SLC30A1: variants seen among roughly 807,000 people sequenced by gnomAD.
The protein encoded by SLC30A1 is solute carrier family 30 member 1, also known as proton-coupled zinc antiporter SLC30A1.
Under a neutral mutation model 29.8 loss-of-function variants are expected in SLC30A1, and 7 were observed. That is an observed-to-expected ratio of 0.23 (90% confidence interval 0.13 to 0.44). The LOEUF (loss-of-function observed/expected upper bound fraction) is 0.44, where lower values mean the gene tolerates loss of function less well. SLC30A1 is among the 20% of genes least tolerant of loss of function. The pLI is 1.00. For missense variants in SLC30A1, 446 were observed against 647.9 expected (o/e 0.69, Z 3.38); for synonymous variants, 254 against 253.5 (o/e 1.00, Z -0.02).
Position 211,578,682 on chromosome 1 carries a change from A to AGGGT in SLC30A1, c.-74_-71dup. 1 of 1,395,578 alleles carries AGGGT rather than the reference A, an allele frequency of 7.2e-7. No homozygotes were observed. Among genetic ancestry groups the AGGGT allele is most frequent in the South Asian group, 1.5e-5 (1 of 64,524 alleles). 86.4% of individuals were successfully genotyped at this position (1,395,578 alleles called of 1,614,324 possible). ...CAGCGGCGGCGTTGGCGGGACGCGG[A>AGGGT]GGGTCGGCGACCGCGACACGGAGGA... On this transcript the variant is annotated 5_prime_UTR_variant, in exon 1 of 2. Coordinates refer to ENST00000367001, the MANE Select transcript of SLC30A1 (RefSeq NM_021194.3).
In SLC30A1 at chr1:211,575,484, T is replaced by C; in HGVS notation, c.1428A>G (p.Leu476=). ...CTTTAGTCCTCCTGGGCTTCTTCTC[T>C]AGATTGTTACTAAGTTCTAAACAAG... ...SISCLELSNN[L]EKKPRRTKAE... The change falls in exon 2 of 2, where the codon CTA becomes CTG. Residue 476 remains leucine, a synonymous_variant. Transcript: ENST00000367001. This position sits in a 1 kb window ranked among gnomAD's most constrained non-coding sequence, Gnocchi z 6.0. 6.2e-7 allele frequency: 1 copy of C among 1,614,160 alleles called. No homozygotes were observed.
At position 211,574,809 on chromosome 1, in the gene SLC30A1, T is replaced by C. The variant is rs1706699164; in HGVS notation, c.*579A>G. ...GTAAACTGTAGTTCAATTTGTTAAT[T>C]ATCTTACTGTTTAATAGCCAGCAAT... On this transcript the variant is annotated 3_prime_UTR_variant, in exon 2 of 2. Coordinates refer to ENST00000367001, the MANE Select transcript of SLC30A1 (RefSeq NM_021194.3). 6.6e-6 allele frequency: 1 copy of C among 152,214 alleles called. No homozygotes were observed. The highest frequency in any genetic ancestry group is 1.5e-5 in the Non-Finnish European group (1 of 68,030). 9.4% of individuals were successfully genotyped at this position (152,214 alleles called of 1,614,324 possible). A position where few individuals can be genotyped will look rare whatever the true frequency, so the allele number is the denominator to read the frequency against.
rs776388944 is a variant in SLC30A1 at position 211,578,180 on chromosome 1, C to T, written c.433G>A (p.Gly145Ser). 6.2e-7 allele frequency: 1 copy of T among 1,609,354 alleles called. No homozygotes were observed. Among genetic ancestry groups the T allele is most frequent in the South Asian group, 1.1e-5 (1 of 90,552 alleles). The change falls in exon 1 of 2, where the codon GGC becomes AGC. Residue 145 changes from glycine to serine, a missense_variant. Physicochemically the swap from Gly to Ser is moderately conservative, Grantham distance 56. Coordinates refer to ENST00000367001, the MANE Select transcript of SLC30A1 (RefSeq NM_021194.3). ...TGACCCCCGTGCGAGTGGCCGTGGC[C>T]GGAGTCCTGGCTGAAGCCGCTGTGA... is the stretch of plus-strand genomic sequence containing the variant. ...HHHSGFSQDS[G>S]HGHSHGGHGH...
At chr1:211,576,739 G>A (rs1052280461) in intron 1 of SLC30A1, among the ~76,000 whole-genome samples, 3 of 152,110 alleles carry the variant, frequency 2.0e-5, no homozygotes, top group Non-Finnish European at 4.4e-5. Flanking sequence ...AATTGCTTGA[G>A]AATAAAACCA....
In SLC30A1 at chr1:211,574,118, C is replaced by T. The variant is rs918406615; in HGVS notation, c.*1270G>A. 4 of 152,138 alleles carry T rather than the reference C, an allele frequency of 2.6e-5. No homozygotes were observed. Among genetic ancestry groups the T allele is most frequent in the Admixed American group, 1.3e-4 (2 of 15,232 alleles). The allele number at this position is 152,138 out of a possible 1,614,324, so 9.4% of individuals were successfully genotyped here. On this transcript the variant is annotated 3_prime_UTR_variant, in exon 2 of 2. Transcript: ENST00000367001. ...AATCTAATTTTGTCACAAAGCATAC[C>T]CTCTATCAAGAAAAATATAACTTAA... is the stretch of plus-strand genomic sequence containing the variant.
Position 211,578,372 on chromosome 1 carries a change from C to G in SLC30A1, c.241G>C (p.Gly81Arg), listed in dbSNP as rs1706749125. The G allele has an allele frequency of 6.2e-7, 1 of 1,613,756 alleles. No homozygotes were observed. The highest frequency in any genetic ancestry group is 8.5e-7 in the Non-Finnish European group (1 of 1,179,950). ...AGGAAGATGGCGTTCACCAGAGCCC[C>G]CATTACCTCGGCTCGGATCCAGCCG... ...TFGWIRAEVM[G>R]ALVNAIFLTG... Residue 81 changes from glycine (G) to arginine (R), a missense_variant, in exon 1 of 2, where the codon GGG (glycine) becomes CGG (arginine). By Grantham distance (125) the Gly-to-Arg change is moderately radical. This residue lies in a region of SLC30A1 where 37 missense variants were observed against 64.0 expected (regional missense o/e 0.58). Transcript: ENST00000367001.
chr1:211,578,668 T>A lies in SLC30A1; in HGVS notation c.-56A>T, dbSNP rs1276175709. On this transcript the variant is annotated 5_prime_UTR_variant, in exon 1 of 2. Coordinates refer to ENST00000367001, the MANE Select transcript of SLC30A1 (RefSeq NM_021194.3). ...CCCGGAGACTGGTGCAGCGGCGGCG[T>A]TGGCGGGACGCGGAGGGTCGGCGAC... 1 of 1,420,444 alleles carries A rather than the reference T, an allele frequency of 7.0e-7. No individual in the cohort carries two copies. Among genetic ancestry groups the A allele is most frequent in the Non-Finnish European group, 9.1e-7 (1 of 1,096,036 alleles). 88.0% of individuals were successfully genotyped at this position (1,420,444 alleles called of 1,614,324 possible). A position where few individuals can be genotyped will look rare whatever the true frequency, so the allele number is the denominator to read the frequency against.
In SLC30A1 at chr1:211,573,655, C is replaced by T. The variant is rs1706683049; in HGVS notation, c.*1733G>A. 6.6e-6 allele frequency: 1 copy of T among 151,974 alleles called. No individual in the cohort carries two copies. The highest frequency in any genetic ancestry group is 1.5e-5 in the Non-Finnish European group (1 of 67,892). The allele number at this position is 151,974 out of a possible 1,614,324, so 9.4% of individuals were successfully genotyped here. On this transcript the variant is annotated 3_prime_UTR_variant, in exon 2 of 2. Transcript: ENST00000367001. ...CATGTTTAAAAAAAACCACCCAAAC[C>T]TTTTCGCAAAATTCAAGGTAACTAT...
chr1:211,575,265 G>A lies in SLC30A1; in HGVS notation c.*123C>T, dbSNP rs1706704699. 1 of 792,196 alleles carries A rather than the reference G, an allele frequency of 1.3e-6. No individual in the cohort carries two copies. Among genetic ancestry groups the A allele is most frequent in the African/African-American group, 1.7e-5 (1 of 57,982 alleles). The allele number at this position is 792,196 out of a possible 1,614,324, so 49.1% of individuals were successfully genotyped here. A position where few individuals can be genotyped will look rare whatever the true frequency, so the allele number is the denominator to read the frequency against. ...GTCCCATTATGTTCTTACAAAAATA[G>A]AATTAAACTGTGTGACCAGACAAGG... On this transcript the variant is annotated 3_prime_UTR_variant, in exon 2 of 2. Coordinates refer to ENST00000367001, the MANE Select transcript of SLC30A1 (RefSeq NM_021194.3). The surrounding 1 kb of genome is among the most constrained non-coding windows in gnomAD (Gnocchi z 6.0).
rs1040681659 is a variant in SLC30A1, at chr1:211,574,337, A to G, written c.*1051T>C. ...AATTTTGCTAAGAATTTAATATCCA[A>G]ACTGCATTAACCTTCTGGTTTTCTT... On this transcript the variant is annotated 3_prime_UTR_variant, in exon 2 of 2. Coordinates refer to ENST00000367001, the MANE Select transcript of SLC30A1 (RefSeq NM_021194.3). 14 of 152,122 alleles carry G rather than the reference A, an allele frequency of 9.2e-5. No individual in the cohort carries two copies. The highest frequency in any genetic ancestry group is 9.2e-4 in the Admixed American group (14 of 15,276). 9.4% of individuals were successfully genotyped at this position (152,122 alleles called of 1,614,324 possible). A position where few individuals can be genotyped will look rare whatever the true frequency, so the allele number is the denominator to read the frequency against.
Position 211,577,590 on chromosome 1 carries a change from G to A in SLC30A1, c.622+401C>T, listed in dbSNP as rs937833322. On this transcript the variant is annotated intron_variant, in intron 1 of 1. Transcript: ENST00000367001. This position sits in a 1 kb window ranked among gnomAD's most constrained non-coding sequence, Gnocchi z 4.5. ...ATTGGGGATTCTCTCCGTTTCCCAA[G>A]AGGGCCAAGGAATTGAATTGGGAAG... Among the ~76,000 whole-genome samples, 2 of 152,198 alleles carry A rather than the reference G, an allele frequency of 1.3e-5. No individual in the cohort carries two copies. Among genetic ancestry groups the A allele is most frequent in the African/African-American group, 4.8e-5 (2 of 41,452 alleles).
Position 211,578,288 on chromosome 1 carries a change from C to G in SLC30A1, c.325G>C (p.Glu109Gln). 10 of 1,612,086 alleles carry G rather than the reference C, an allele frequency of 6.2e-6. No homozygotes were observed. The highest frequency in any genetic ancestry group is 8.5e-6 in the Non-Finnish European group (10 of 1,179,586). Residue 109 changes from glutamate (E) to glutamine (Q), a missense_variant, in exon 1 of 2, where the codon GAG becomes CAG. Transcript: ENST00000367001. ...AGGACCACCAGCGGCTGCTGCATCT[C>G]GTGCGGCTCGATGAAGCGCTCGATG... Reference protein sequence around the residue: ...EAIERFIEPHEMQQPLVVLGV... With the variant: ...EAIERFIEPHQMQQPLVVLGV...
In SLC30A1 at chr1:211,578,241, C is replaced by T. The variant is rs766902379; in HGVS notation, c.372G>A (p.Leu124=). Residue 124 remains leucine, a synonymous_variant, in exon 1 of 2, where the codon CTG becomes CTA. Coordinates refer to ENST00000367001, the MANE Select transcript of SLC30A1 (RefSeq NM_021194.3). The stretch of plus-strand genomic sequence containing the variant: ...GGCAGAGCCCCAGCACGTTGACCAG[C>T]AGCCCGGCCACGCCGACCCCAAGGA... ...LVVLGVGVAG[L]LVNVLGLCLF... 6.2e-7 allele frequency: 1 copy of T among 1,611,950 alleles called. No individual in the cohort carries two copies. Among genetic ancestry groups the T allele is most frequent in the Admixed American group, 1.7e-5 (1 of 59,824 alleles).
chr1:211,578,988 C>T lies in SLC30A1; in HGVS notation c.-376G>A, dbSNP rs1301827833. ...GGAGCAGGAGCAGGAGGGCGGCGGG[C>T]GAGGGCGGCAGGAGAGGGCGACGGG... On this transcript the variant is annotated 5_prime_UTR_variant, in exon 1 of 2. Coordinates refer to ENST00000367001, the MANE Select transcript of SLC30A1 (RefSeq NM_021194.3). Among the ~76,000 whole-genome samples the T allele has an allele frequency of 6.6e-6, 1 of 152,080 alleles. No individual in the cohort carries two copies. The highest frequency in any genetic ancestry group is 2.4e-5 in the African/African-American group (1 of 41,422).
chr1:211,574,220 T>C lies in SLC30A1; in HGVS notation c.*1168A>G, dbSNP rs931163581. The C allele has an allele frequency of 4.6e-5, 7 of 151,224 alleles. No homozygotes were observed. Among genetic ancestry groups the C allele is most frequent in the Non-Finnish European group, 5.9e-5 (4 of 67,618 alleles). The allele number at this position is 151,224 out of a possible 1,614,324, so 9.4% of individuals were successfully genotyped here. On this transcript the variant is annotated 3_prime_UTR_variant, in exon 2 of 2. Coordinates refer to ENST00000367001, the MANE Select transcript of SLC30A1 (RefSeq NM_021194.3). Reference sequence around the variant, plus strand: ...GCCACAATTTTCTGTGTAGATATTGTGGCATCTTGCAAAATAAGCCACTAT... The same window carrying C: ...GCCACAATTTTCTGTGTAGATATTGCGGCATCTTGCAAAATAAGCCACTAT...
rs114373272 is a variant in SLC30A1, at chr1:211,574,485, C to T, written c.*903G>A. On this transcript the variant is annotated 3_prime_UTR_variant, in exon 2 of 2. Coordinates refer to ENST00000367001, the MANE Select transcript of SLC30A1 (RefSeq NM_021194.3). ...CCTTGAAAATTTTTTTTCAAACGCCCGGTTTAAAAGATTACATTAATCGTT... is the reference window on the plus strand; with the variant it reads ...CCTTGAAAATTTTTTTTCAAACGCCTGGTTTAAAAGATTACATTAATCGTT... The T allele has an allele frequency of 2.0e-5, 3 of 151,816 alleles. No homozygotes were observed. Among genetic ancestry groups the T allele is most frequent in the Non-Finnish European group, 2.9e-5 (2 of 67,920 alleles). The allele number at this position is 151,816 out of a possible 1,614,324, so 9.4% of individuals were successfully genotyped here.
chr1:211,578,256 G>T lies in SLC30A1; in HGVS notation c.357C>A (p.Val119=), dbSNP rs1190272845. The T allele has an allele frequency of 2.4e-5, 39 of 1,612,102 alleles. No homozygotes were observed. Among genetic ancestry groups the T allele is most frequent in the Non-Finnish European group, 3.3e-5 (39 of 1,179,532 alleles). The change falls in exon 1 of 2, where the codon GTC becomes GTA. Residue 119 remains valine, a synonymous_variant. Transcript: ENST00000367001. The part of the protein sequence containing the change: ...EMQQPLVVLG[V]GVAGLLVNVL... ...CGTTGACCAGCAGCCCGGCCACGCC[G>T]ACCCCAAGGACCACCAGCGGCTGCT...
chr1:211,575,645 T>C lies in SLC30A1; in HGVS notation c.1267A>G (p.Ser423Gly). Residue 423 changes from serine (S) to glycine (G), a missense_variant, in exon 2 of 2, where the codon AGT (serine) becomes GGT (glycine). Physicochemically the swap from Ser to Gly is moderately conservative, Grantham distance 56. Coordinates refer to ENST00000367001, the MANE Select transcript of SLC30A1 (RefSeq NM_021194.3). The surrounding 1 kb of genome is among the most constrained non-coding windows in gnomAD (Gnocchi z 6.0). The stretch of plus-strand genomic sequence containing the variant: ...ACTACACTTGATTTAGAGCCTACAC[T>C]AGCAAATTCAGGCTGAATGGTAGTA... ...HATTIQPEFA[S>G]VGSKSSVVPC... 2 of 1,614,184 alleles carry C rather than the reference T, an allele frequency of 1.2e-6. No homozygotes were observed. Among genetic ancestry groups the C allele is most frequent in the Non-Finnish European group, 1.7e-6 (2 of 1,180,010 alleles).
chr1:211,578,018 A>T lies in SLC30A1; in HGVS notation c.595T>A (p.Ser199Thr), dbSNP rs1162589169. The T allele has an allele frequency of 6.2e-7, 1 of 1,613,142 alleles. No homozygotes were observed. The highest frequency in any genetic ancestry group is 8.5e-7 in the Non-Finnish European group (1 of 1,179,836). Reference sequence around the variant, plus strand: ...GCGGGGTCCAATTTCAGCCCGTTGGAGTTGCTGGTATTGGCCACCAGGGTG... The same window carrying T: ...GCGGGGTCCAATTTCAGCCCGTTGGTGTTGCTGGTATTGGCCACCAGGGTG... The part of the protein sequence containing the change: ...TNTLVANTSN[S>T]NGLKLDPADP... Residue 199 changes from serine (S) to threonine (T), a missense_variant, in exon 1 of 2, where the codon TCC becomes ACC. Around this residue, in one of 5 missense-constraint regions of SLC30A1, gnomAD observed 159 missense variants for 161.1 expected, o/e 0.99. Transcript: ENST00000367001.
Sources: allele counts gnomAD v4.1 joint callset (sites outside exome capture counted in the v4.1 genomes callset), GRCh38; gene constraint gnomAD v4.1.1; regional missense constraint gnomAD v4.1.1; non-coding constraint Gnocchi (gnomAD v3.1); transcripts MANE v1.5; gene names NCBI Gene and HGNC (gene_info 2026-07-23, HGNC 2026-07-21).